DENND1A: variants seen among roughly 807,000 people sequenced by gnomAD.
The protein encoded by DENND1A is DENN domain containing 1A, also known as DENN domain-containing protein 1A.
In DENND1A, 51 loss-of-function variants were observed where a neutral mutation model predicts 113.7. The observed-to-expected ratio is 0.45, with a 90% CI of 0.36 to 0.57. The LOEUF is 0.57. DENND1A is among the 20% of genes least tolerant of loss of function. The pLI, the probability that DENND1A is intolerant of heterozygous loss-of-function variation, is 0.00. For missense variants in DENND1A, 1,258 were observed against 1,395.9 expected, an observed-to-expected ratio of 0.90 and a Z score of 1.57; for synonymous variants, 565 against 570.8, an observed-to-expected ratio of 0.99 and a Z score of 0.14.
At chr9:123,399,768 A>T (rs2043331397) in intron 21 of DENND1A, among the ~76,000 whole-genome samples, 2 of 152,212 alleles carry the variant, frequency 1.3e-5, no homozygotes, top group Non-Finnish European at 2.9e-5. Context: ...CTAAAGATGA[A>T]CCCTGAAGGG....
intron 21 of DENND1A, among the ~76,000 whole-genome samples, chr9:123,399,924 C>G (rs745781122): frequency 6.6e-6 from 1 of 152,210 alleles, no homozygotes; most frequent in Non-Finnish European, 1.5e-5. Context: ...CGGGAAGAAA[C>G]GATGCTAGCC....
intron 8 of DENND1A, among the ~76,000 whole-genome samples, chr9:123,661,364 A>G (rs1374838416): frequency 6.6e-6 from 1 of 152,236 alleles, no homozygotes. Flanking sequence ...AGCCTTTGAC[A>G]GGCAATAAAG....
At chr9:123,698,202 A>C (rs975699263) in intron 5 of DENND1A, among the ~76,000 whole-genome samples, 2 of 152,202 alleles carry the variant, frequency 1.3e-5, no homozygotes, top group Admixed American at 1.3e-4. Context: ...AGTCCAAAGA[A>C]CAAACCAAGG....
At chr9:123,870,270 C>CT (rs113651309) in intron 2 of DENND1A, among the ~76,000 whole-genome samples, 34,538 of 139,266 alleles carry the variant, frequency 0.25, 7,765 homozygotes, top group African/African-American at 0.61. Flanking sequence ...TATTAATCAG[C>CT]TTTTTTTTTT....
At chr9:123,830,211 T>C (rs1839968126) in intron 2 of DENND1A, among the ~76,000 whole-genome samples, 1 of 152,154 alleles carries the variant, frequency 6.6e-6, no homozygotes, top group Non-Finnish European at 1.5e-5. Context: ...ATCTTTATGT[T>C]GAGTGAAAGA....
chr9:123,604,023 A>T (rs2060043316), intron 11 of DENND1A, among the ~76,000 whole-genome samples: 1 of 152,232 alleles, frequency 6.6e-6, no homozygotes, highest in Admixed American at 6.5e-5. Flanking sequence ...GCCCAGAAGG[A>T]GAAGGCCTGA....
chr9:123,911,566 G>C (rs1853969408), intron 1 of DENND1A, among the ~76,000 whole-genome samples: 1 of 152,116 alleles, frequency 6.6e-6, no homozygotes, highest in African/African-American at 2.4e-5. Flanking sequence ...CAACACAGAT[G>C]AATTCTACCA....
At chr9:123,809,190 C>T (rs549648308) in intron 2 of DENND1A, among the ~76,000 whole-genome samples, 1 of 152,276 alleles carries the variant, frequency 6.6e-6, no homozygotes, top group Non-Finnish European at 1.5e-5. Context: ...CATGTTCCTC[C>T]GAGTACTTAT....
intron 11 of DENND1A, among the ~76,000 whole-genome samples, chr9:123,600,623 A>G (rs1046495244): frequency 1.3e-5 from 2 of 152,234 alleles, no homozygotes; most frequent in African/African-American, 4.8e-5. Context: ...TGTGTGATGT[A>G]GTAACCATAC....
chr9:123,552,197 A>G (rs1050478569), intron 13 of DENND1A, among the ~76,000 whole-genome samples: 21 of 152,136 alleles, frequency 1.4e-4, no homozygotes, highest in Admixed American at 7.9e-4. Flanking sequence ...AGAGCCAGGC[A>G]GGCCACGGAC....
chr9:123,446,565 T>G (rs1017468144), intron 18 of DENND1A, among the ~76,000 whole-genome samples: 2 of 152,146 alleles, frequency 1.3e-5, no homozygotes. Context: ...GATCAAAGAT[T>G]TGTAATCCCA....
At chr9:123,420,952 T>C (rs1484874655) in intron 19 of DENND1A, among the ~76,000 whole-genome samples, 1 of 151,242 alleles carries the variant, frequency 6.6e-6, no homozygotes, top group Non-Finnish European at 1.5e-5. Flanking sequence ...TGGCATCCCA[T>C]TGGTGGCCGG....
chr9:123,479,716 C>A (rs1314516727), intron 13 of DENND1A, among the ~76,000 whole-genome samples: 1 of 152,258 alleles, frequency 6.6e-6, no homozygotes, highest in Non-Finnish European at 1.5e-5. Flanking sequence ...TGTCTGCCCA[C>A]TTGGCCTGTC....
intron 11 of DENND1A, among the ~76,000 whole-genome samples, chr9:123,585,313 C>G (rs1478581982): frequency 2.0e-5 from 3 of 152,200 alleles, no homozygotes; most frequent in Non-Finnish European, 4.4e-5. Flanking sequence ...CCTCCAAACC[C>G]CAACACCCAT....
intron 5 of DENND1A, among the ~76,000 whole-genome samples, chr9:123,680,354 C>T (rs1466514346): frequency 2.0e-5 from 3 of 152,200 alleles, no homozygotes; most frequent in Non-Finnish European, 4.4e-5. Flanking sequence ...GAAGTTTCCT[C>T]CACCCACTGC....
At chr9:123,793,978 T>C (rs1169137645) in intron 2 of DENND1A, among the ~76,000 whole-genome samples, 2 of 152,206 alleles carry the variant, frequency 1.3e-5, no homozygotes, top group Non-Finnish European at 2.9e-5. Flanking sequence ...ACCCTCGTCT[T>C]CAACTACTGG....
At chr9:123,514,106 GTGTC>G (rs1381992040) in intron 13 of DENND1A, among the ~76,000 whole-genome samples, 2 of 53,300 alleles carry the variant, frequency 3.8e-5, no homozygotes, top group South Asian at 6.7e-4. Flanking sequence ...GTATGTGTGT[GTGTC>G]TGTGTGTGTG....
intron 12 of DENND1A, among the ~76,000 whole-genome samples, chr9:123,578,991 T>G (rs1052855612): frequency 6.6e-6 from 1 of 152,128 alleles, no homozygotes; most frequent in Non-Finnish European, 1.5e-5. Flanking sequence ...TGAAACAACA[T>G]GTAAATTTGG....
At chr9:123,477,779 G>C (rs768055433) in intron 13 of DENND1A, among the ~76,000 whole-genome samples, 2 of 151,742 alleles carry the variant, frequency 1.3e-5, no homozygotes, top group Admixed American at 6.6e-5. Flanking sequence ...AAATGAACAC[G>C]AGTGCCTCCC....
Sources: gnomAD v4.1 joint callset for allele counts (sites outside exome capture counted in the v4.1 genomes callset) on GRCh38, gnomAD v4.1.1 for gene constraint, MANE v1.5 for transcripts, NCBI Gene and HGNC (gene_info 2026-07-23, HGNC 2026-07-21) for gene names.